SOAT1: variants seen among roughly 807,000 people sequenced by gnomAD.
SOAT1 encodes the protein sterol O-acyltransferase 1.
Under a neutral mutation model 69.5 loss-of-function variants are expected in SOAT1, and 55 were observed. That is an observed-to-expected ratio of 0.79 (90% confidence interval 0.64 to 0.99). The LOEUF (loss-of-function observed/expected upper bound fraction) is 0.99, where lower values mean the gene tolerates loss of function less well. Ranked by LOEUF, SOAT1 falls within the 50% of genes least tolerant of loss-of-function variation. SOAT1 has a pLI of 0.00. For missense variants in SOAT1, 580 were observed against 669.3 expected (o/e 0.87, Z 1.47); for synonymous variants, 231 against 224.7 (o/e 1.03, Z -0.25).
intron 14 of SOAT1, 22 bp from the exon 15 acceptor site, chr1:179,351,295 T>C (rs1666722165): frequency 6.2e-7 from 1 of 1,612,046 alleles, no homozygotes; most frequent in Middle Eastern, 1.7e-4. Context: ...TGTATATTTC[T>C]TTGTTGCCTT....
intron 2 of SOAT1, among the ~76,000 whole-genome samples, chr1:179,319,955 G>A (rs995221203): frequency 6.6e-6 from 1 of 151,736 alleles, no homozygotes; most frequent in Non-Finnish European, 1.5e-5. Context: ...AGTTCTTTAT[G>A]TATTCTGGAT....
At chr1:179,312,399 C>G (rs965512597) in intron 2 of SOAT1, among the ~76,000 whole-genome samples, 3 of 152,102 alleles carry the variant, frequency 2.0e-5, no homozygotes, top group Admixed American at 1.3e-4. Context: ...ACTGGAAAAC[C>G]AAAATGATGA....
chr1:179,308,497 C>A (rs1665099350), intron 2 of SOAT1, among the ~76,000 whole-genome samples: 1 of 151,868 alleles, frequency 6.6e-6, no homozygotes. Context: ...CATGATAAAA[C>A]CCTGTCTCTA....
intron 3 of SOAT1, among the ~76,000 whole-genome samples, chr1:179,329,369 T>G (rs1665895881): frequency 6.6e-6 from 1 of 151,898 alleles, no homozygotes; most frequent in Non-Finnish European, 1.5e-5. Context: ...AAGACTCAAG[T>G]GTCATGTCTG....
chr1:179,322,779 AGATTTCCTTCTGTTTT>A (rs61048422), intron 2 of SOAT1, among the ~76,000 whole-genome samples: 31,642 of 152,118 alleles, frequency 0.21, 3,631 homozygotes, highest in East Asian at 0.46. Flanking sequence ...AGAGACAGAC[AGATTTCCTTCTGTTTT>A]GGTTTCTTTC....
chr1:179,348,759 GATGTGTGTGTGTGT>G, intron 12 of SOAT1, 71 bp from the exon 13 acceptor site: 2 of 637,646 alleles, frequency 3.1e-6, no homozygotes, highest in Non-Finnish European at 2.7e-6. Context: ...TTTCGGGTGG[GATGTGTGTGTGTGT>G]GTGTGTGTGT....
intron 2 of SOAT1, among the ~76,000 whole-genome samples, chr1:179,304,535 C>A (rs1664939960): frequency 6.6e-6 from 1 of 151,986 alleles, no homozygotes; most frequent in Admixed American, 6.6e-5. Flanking sequence ...ACCTTAGCCT[C>A]CCAAAGTGCT....
In SOAT1 at chr1:179,302,771, T is replaced by C; in HGVS notation, c.87T>C (p.Pro29=). 1 of 1,600,708 alleles carries C rather than the reference T, an allele frequency of 6.2e-7. No homozygotes were observed. The highest frequency in any genetic ancestry group is 8.5e-7 in the Non-Finnish European group (1 of 1,176,488). ...AGGAAGATGAAGACCAGAGAAACCCTGCAAAGGAGTCCCTAGAGACACCTA... is the reference window on the plus strand; with the variant it reads ...AGGAAGATGAAGACCAGAGAAACCCCGCAAAGGAGTCCCTAGAGACACCTA... ...NPEEDEDQRN[P]AKESLETPSN... The change falls in exon 2 of 16, where the codon CCT becomes CCC. Residue 29 remains proline (P), a synonymous_variant. Transcript: ENST00000367619.
intron 6 of SOAT1, among the ~76,000 whole-genome samples, chr1:179,340,617 A>G (rs1411717564): frequency 2.0e-5 from 3 of 152,122 alleles, no homozygotes; most frequent in Non-Finnish European, 4.4e-5. Context: ...AATTGTACCT[A>G]TTTCTTCTGA....
intron 3 of SOAT1, among the ~76,000 whole-genome samples, chr1:179,330,895 A>G (rs899909475): frequency 6.6e-6 from 1 of 152,184 alleles, no homozygotes; most frequent in Non-Finnish European, 1.5e-5. Context: ...AATCATTTCC[A>G]CCTGTATCTC....
chr1:179,346,021 C>G (rs1666522662), intron 11 of SOAT1, among the ~76,000 whole-genome samples: 1 of 152,128 alleles, frequency 6.6e-6, no homozygotes, highest in African/African-American at 2.4e-5. Context: ...AGTCTGGGAG[C>G]TTTTATAGTT....
intron 7 of SOAT1, among the ~76,000 whole-genome samples, chr1:179,341,557 C>T (rs1411657761): frequency 2.2e-5 from 3 of 136,626 alleles, no homozygotes; most frequent in Non-Finnish European, 4.7e-5. Context: ...TTTTTTGAGA[C>T]AGAGTCTCGC....
At chr1:179,328,654 CTT>C (rs1438192436) in intron 3 of SOAT1, among the ~76,000 whole-genome samples, 2 of 152,102 alleles carry the variant, frequency 1.3e-5, no homozygotes, top group African/African-American at 4.8e-5. Flanking sequence ...ATTTGTCAAA[CTT>C]TTATTAATGT....
rs1664869360 is a variant in SOAT1, at chr1:179,302,593, C to T, written c.-8-84C>T. 12 of 768,698 alleles carry T rather than the reference C, an allele frequency of 1.6e-5. No individual in the cohort carries two copies. The South Asian group carries it at 3.1e-4, about 20-fold the overall frequency. 47.6% of individuals were successfully genotyped at this position (768,698 alleles called of 1,614,324 possible). A position where few individuals can be genotyped will look rare whatever the true frequency, so the allele number is the denominator to read the frequency against. On this transcript the variant is annotated intron_variant, in intron 1 of 15. Transcript: ENST00000367619. ...AACTGTGAGACAGTTAAACCTCTTTCCTTTATAAATTACCCAGTCTCAGGT... is the reference window on the plus strand; with the variant it reads ...AACTGTGAGACAGTTAAACCTCTTTTCTTTATAAATTACCCAGTCTCAGGT...
rs990894884 is a variant in SOAT1, at chr1:179,342,054, G to A, written c.781-60G>A. On this transcript the variant is annotated intron_variant, in intron 7 of 15. Transcript: ENST00000367619. ...CTATCTATAATGCATTTGACTAATGGAAAGGACACTTGCAGGAGACTTTCT... is the reference window on the plus strand; with the variant it reads ...CTATCTATAATGCATTTGACTAATGAAAAGGACACTTGCAGGAGACTTTCT... 10 of 1,607,274 alleles carry A rather than the reference G, an allele frequency of 6.2e-6. No individual in the cohort carries two copies. The Admixed American group carries it at 1.2e-4, about 19-fold the overall frequency.
intron 6 of SOAT1, among the ~76,000 whole-genome samples, 187 bp from the exon 7 acceptor site, chr1:179,340,840 TA>T (rs1666309666): frequency 6.6e-6 from 1 of 151,058 alleles, no homozygotes; most frequent in Admixed American, 6.6e-5. Flanking sequence ...TATATATATA[TA>T]TTGTAAAGCA....
chr1:179,348,024 A>T (rs765728152), intron 12 of SOAT1, among the ~76,000 whole-genome samples: 3 of 152,210 alleles, frequency 2.0e-5, no homozygotes, highest in Non-Finnish European at 4.4e-5. Flanking sequence ...ATTCATTTGA[A>T]ATGGACCGTC....
chr1:179,317,247 A>G (rs1665424818), intron 2 of SOAT1, among the ~76,000 whole-genome samples: 1 of 152,328 alleles, frequency 6.6e-6, no homozygotes, highest in Admixed American at 6.5e-5. Context: ...AAAAATACTT[A>G]AGCTGGCCTG....
In SOAT1 at chr1:179,320,274, A is replaced by G. The variant is rs185554143; in HGVS notation, c.119-3163A>G. The stretch of plus-strand genomic sequence containing the variant: ...GTGGCTATTCAGTTGTCCCAGCTCC[A>G]TTTGTTGAAAAGAAGAATCTTTCCG... On this transcript the variant is annotated intron_variant, in intron 2 of 15. Coordinates refer to ENST00000367619, the MANE Select transcript of SOAT1 (RefSeq NM_003101.6). Among the ~76,000 whole-genome samples, 49 of 152,136 alleles carry G rather than the reference A, an allele frequency of 3.2e-4. No homozygotes were observed. The East Asian group carries it at 9.5e-3, about 29-fold the overall frequency.
Sources: allele counts gnomAD v4.1 joint callset (sites outside exome capture counted in the v4.1 genomes callset), GRCh38; gene constraint gnomAD v4.1.1; transcripts MANE v1.5; gene names NCBI Gene and HGNC (gene_info 2026-07-23, HGNC 2026-07-21).